CHN2: variants seen among roughly 807,000 people sequenced by gnomAD.
CHN2 encodes the protein chimerin 2, also known as beta-chimaerin.
CHN2 carries 35 observed loss-of-function variants against 56.3 expected under a neutral mutation model. That is an observed-to-expected ratio of 0.62 (90% CI 0.47 to 0.82). The LOEUF (loss-of-function observed/expected upper bound fraction) is 0.82, where lower values mean the gene tolerates loss of function less well. CHN2 is among the 40% of genes least tolerant of loss of function. The pLI is 0.00. For missense variants in CHN2, 491 were observed against 580.5 expected (o/e 0.85, Z 1.58); for synonymous variants, 210 against 212.8 (o/e 0.99, Z 0.12).
chr7:29,268,605 G>A (rs1346365422), intron 1 of CHN2, among the ~76,000 whole-genome samples: 5 of 152,286 alleles, frequency 3.3e-5, no homozygotes, highest in East Asian at 1.9e-4. Flanking sequence ...AATGCCATGG[G>A]GAGTCTGTCT....
intron 10 of CHN2, 68 bp from the exon 11 acceptor site, chr7:29,507,160 T>TTTCCTTTCTG: frequency 6.9e-7 from 1 of 1,439,834 alleles, no homozygotes. Context: ...TTTTTTTTTT[T>TTTCCTTTCTG]TCCTTTCTGT....
chr7:29,267,094 C>A (rs1410240713), intron 1 of CHN2, among the ~76,000 whole-genome samples: 1 of 152,184 alleles, frequency 6.6e-6, no homozygotes, highest in African/African-American at 2.4e-5. Flanking sequence ...GCTCTTAGAA[C>A]TTTTTACTCC....
intron 6 of CHN2, among the ~76,000 whole-genome samples, chr7:29,447,968 C>T (rs1212349446): frequency 6.6e-6 from 1 of 152,124 alleles, no homozygotes; most frequent in Non-Finnish European, 1.5e-5. Context: ...TGGGATGAGG[C>T]CCAAGCATCC....
intron 2 of CHN2, among the ~76,000 whole-genome samples, chr7:29,362,867 C>T (rs141414732): frequency 2.0e-5 from 3 of 152,286 alleles, no homozygotes; most frequent in South Asian, 2.1e-4. Context: ...GGCATCTCCT[C>T]GAAGGCACAG....
chr7:29,240,984 T>G (rs933824415), intron 1 of CHN2, among the ~76,000 whole-genome samples: 2 of 152,054 alleles, frequency 1.3e-5, no homozygotes, highest in Non-Finnish European at 1.5e-5. Flanking sequence ...CTGCCAGGTT[T>G]AAGTGATTCT....
At chr7:29,410,389 T>C (rs1045450731) in intron 6 of CHN2, among the ~76,000 whole-genome samples, 1 of 152,116 alleles carries the variant, frequency 6.6e-6, no homozygotes, top group Admixed American at 6.6e-5. Flanking sequence ...TGGGATGATA[T>C]GTTAAAAAGA....
chr7:29,488,251 T>C (rs1788263451), intron 7 of CHN2, among the ~76,000 whole-genome samples: 1 of 152,214 alleles, frequency 6.6e-6, no homozygotes, highest in South Asian at 2.1e-4. Flanking sequence ...TAGGACTTCA[T>C]CTGGTCTTGC....
intron 1 of CHN2, among the ~76,000 whole-genome samples, chr7:29,206,316 C>T (rs1029010786): frequency 2.6e-5 from 4 of 152,128 alleles, no homozygotes; most frequent in African/African-American, 7.2e-5. Context: ...GGAAAAAACT[C>T]TATCGCCCAG....
chr7:29,200,284 G>A (rs1191375456), intron 1 of CHN2, among the ~76,000 whole-genome samples: 1 of 151,630 alleles, frequency 6.6e-6, no homozygotes, highest in African/African-American at 2.4e-5. Context: ...AAACAAAATG[G>A]CTTTTTCCCC....
At chr7:29,502,732 A>G (rs149240296) in intron 9 of CHN2, among the ~76,000 whole-genome samples, 64 of 150,026 alleles carry the variant, frequency 4.3e-4, no homozygotes, top group African/African-American at 1.6e-3. Flanking sequence ...CATATTATAT[A>G]AGGCATAGAT....
chr7:29,421,511 A>G (rs1404352276), intron 6 of CHN2, among the ~76,000 whole-genome samples: 2 of 152,178 alleles, frequency 1.3e-5, no homozygotes, highest in Admixed American at 1.3e-4. Flanking sequence ...CCCTAACCAC[A>G]CATAAGAGAA....
intron 1 of CHN2, among the ~76,000 whole-genome samples, chr7:29,201,932 CTG>C (rs1221533918): frequency 1.3e-5 from 2 of 152,164 alleles, no homozygotes; most frequent in African/African-American, 4.8e-5. Flanking sequence ...CCGAGGGAAA[CTG>C]TGGAATGACA....
chr7:29,350,733 T>G (rs1797814052), intron 1 of CHN2, among the ~76,000 whole-genome samples: 1 of 152,156 alleles, frequency 6.6e-6, no homozygotes, highest in Non-Finnish European at 1.5e-5. Flanking sequence ...AACAACTCAT[T>G]AATGACATTA....
intron 3 of CHN2, among the ~76,000 whole-genome samples, chr7:29,388,223 C>G (rs3793271): frequency 0.88 from 133,906 of 152,206 alleles, 59,232 homozygotes; most frequent in Non-Finnish European, 0.93. Flanking sequence ...CAGATATTGG[C>G]AGAAATCCTG....
At chr7:29,256,540 G>A (rs543611772) in intron 1 of CHN2, among the ~76,000 whole-genome samples, 170 of 152,278 alleles carry the variant, frequency 1.1e-3, no homozygotes, top group Non-Finnish European at 2.0e-3. Flanking sequence ...TTAGTTGTTC[G>A]TTTCTGACCT....
At chr7:29,328,565 G>A (rs1452873105) in intron 1 of CHN2, among the ~76,000 whole-genome samples, 3 of 151,028 alleles carry the variant, frequency 2.0e-5, no homozygotes, top group African/African-American at 7.3e-5. Flanking sequence ...TTTTTATTTT[G>A]TATATTATAA....
intron 1 of CHN2, among the ~76,000 whole-genome samples, chr7:29,283,682 A>G (rs1052362797): frequency 1.3e-5 from 2 of 152,010 alleles, no homozygotes; most frequent in African/African-American, 2.4e-5. Flanking sequence ...GCAGTGGCAC[A>G]ATCTTGGCTC....
At chr7:29,362,524 A>C (rs1306627694) in intron 2 of CHN2, among the ~76,000 whole-genome samples, 3 of 152,148 alleles carry the variant, frequency 2.0e-5, no homozygotes, top group African/African-American at 7.2e-5. Context: ...TTTGTTACAG[A>C]CAGGAGGACA....
chr7:29,250,388 T>C (rs1788397625), intron 1 of CHN2, among the ~76,000 whole-genome samples: 1 of 152,224 alleles, frequency 6.6e-6, no homozygotes, highest in Non-Finnish European at 1.5e-5. Flanking sequence ...AGAGTTAAAA[T>C]TCCTTTTATC....
Sources: gnomAD v4.1 joint callset for allele counts (sites outside exome capture counted in the v4.1 genomes callset) on GRCh38, gnomAD v4.1.1 for gene constraint, MANE v1.5 for transcripts, NCBI Gene and HGNC (gene_info 2026-07-23, HGNC 2026-07-21) for gene names.